ATG5: variants seen among roughly 807,000 people sequenced by gnomAD.
The protein encoded by ATG5 is autophagy related 5, also known as autophagy protein 5.
A neutral mutation model predicts 36.5 loss-of-function variants in ATG5; 14 were observed. The ratio of observed to expected loss-of-function variants is 0.38; its 90% CI spans 0.25 to 0.60. ATG5 has a LOEUF of 0.60. Ranked by LOEUF, ATG5 falls within the 20% of genes least tolerant of loss-of-function variation. The pLI is 0.60. For synonymous variants in ATG5, 95 were observed against 101.5 expected (o/e 0.94, Z 0.38); for missense variants, 195 against 326.7 (o/e 0.60, Z 3.11).
intron 6 of ATG5, among the ~76,000 whole-genome samples, chr6:106,205,943 T>G (rs546276252): frequency 6.6e-6 from 1 of 152,322 alleles, no homozygotes; most frequent in East Asian, 1.9e-4. Context: ...GTTTAATATT[T>G]ATTATACAGT....
intron 3 of ATG5, among the ~76,000 whole-genome samples, chr6:106,303,628 T>C (rs1267102887): frequency 6.6e-6 from 1 of 152,106 alleles, no homozygotes; most frequent in South Asian, 2.1e-4. Context: ...ATCCCTCTTA[T>C]GAACATAAGA....
rs771870556 is a variant in ATG5, at chr6:106,279,843, A to G, written c.316-20T>C. ...AAAACTCTATCAAAGGAAAAAATAT[A>G]CATATAAAACAGGATACACACATTA... On this transcript the variant is annotated intron_variant, in intron 4 of 7. Transcript: ENST00000369076. 1.4e-6 allele frequency: 2 copies of G among 1,433,948 alleles called. No individual in the cohort carries two copies. The highest frequency in any genetic ancestry group is 3.2e-5 in the South Asian group (2 of 62,538). The allele number at this position is 1,433,948 out of a possible 1,614,324, so 88.8% of individuals were successfully genotyped here.
chr6:106,203,428 A>G (rs112148830), intron 6 of ATG5, among the ~76,000 whole-genome samples: 15 of 152,314 alleles, frequency 9.8e-5, no homozygotes, highest in African/African-American at 2.6e-4. Context: ...TTGTGGAAAT[A>G]AATGAGCAAC....
chr6:106,278,458 C>G (rs1312017711), intron 5 of ATG5, among the ~76,000 whole-genome samples: 1 of 152,122 alleles, frequency 6.6e-6, no homozygotes, highest in Non-Finnish European at 1.5e-5. Context: ...TATAGCATCA[C>G]TTCCTTTGGG....
intron 5 of ATG5, among the ~76,000 whole-genome samples, chr6:106,251,998 G>A (rs143317248): frequency 0.014 from 2,154 of 151,972 alleles, 165 homozygotes; most frequent in Admixed American, 0.13. Flanking sequence ...GCATCATCAC[G>A]CCCGGCTAAT....
intron 6 of ATG5, among the ~76,000 whole-genome samples, chr6:106,227,324 G>A (rs753145641): frequency 6.6e-6 from 1 of 152,184 alleles, no homozygotes; most frequent in Non-Finnish European, 1.5e-5. Flanking sequence ...GACCTGGAAT[G>A]CTGGTGGACA....
chr6:106,244,803 G>A (rs1051598907), intron 6 of ATG5, among the ~76,000 whole-genome samples: 19 of 152,314 alleles, frequency 1.2e-4, no homozygotes, highest in African/African-American at 4.6e-4. Flanking sequence ...CTTGTTGAAT[G>A]AATCAATGAG....
rs143469353 is a variant in ATG5, at chr6:106,324,159, T to G, written c.-59+1367A>C. ...TACCCATGGGTTCTTCGTCCTTGTA[T>G]TCAACCAATCATGGATGAAAAAATA... On this transcript the variant is annotated intron_variant, in intron 1 of 7. Coordinates refer to ENST00000369076, the MANE Select transcript of ATG5 (RefSeq NM_004849.4). Among the ~76,000 whole-genome samples the G allele has an allele frequency of 7.2e-5, 11 of 152,298 alleles. No homozygotes were observed. The East Asian group carries it at 2.1e-3, about 29-fold the overall frequency.
intron 6 of ATG5, among the ~76,000 whole-genome samples, chr6:106,207,868 A>G (rs1302487059): frequency 6.6e-6 from 1 of 152,164 alleles, no homozygotes; most frequent in South Asian, 2.1e-4. Flanking sequence ...CCGAGGAGGG[A>G]GGATCACGAG....
chr6:106,241,010 G>C (rs191115133), intron 6 of ATG5, among the ~76,000 whole-genome samples: 1 of 152,062 alleles, frequency 6.6e-6, no homozygotes, highest in Admixed American at 6.6e-5. Context: ...AAAATTAGTC[G>C]GGCATGGTGG....
chr6:106,282,364 C>G (rs991675401), intron 4 of ATG5, among the ~76,000 whole-genome samples: 1 of 152,170 alleles, frequency 6.6e-6, no homozygotes, highest in Non-Finnish European at 1.5e-5. Flanking sequence ...TACATTTTAC[C>G]TGTGTAAAAC....
At chr6:106,292,360 T>G (rs1780343133) in intron 4 of ATG5, among the ~76,000 whole-genome samples, 1 of 152,160 alleles carries the variant, frequency 6.6e-6, no homozygotes, top group African/African-American at 2.4e-5. Flanking sequence ...AGAAGCAAGG[T>G]GGCTAAGGGA....
intron 4 of ATG5, 81 bp downstream of exon 4, chr6:106,292,947 T>A (rs1258702578): frequency 1.8e-6 from 2 of 1,139,750 alleles, no homozygotes; most frequent in Admixed American, 4.1e-5. Flanking sequence ...ATAAATAACT[T>A]CACTTAAAAA....
intron 2 of ATG5, among the ~76,000 whole-genome samples, chr6:106,311,655 C>G (rs952112091): frequency 6.6e-6 from 1 of 152,084 alleles, no homozygotes. Flanking sequence ...TATCGAGAAC[C>G]TTGTAAACTA....
intron 5 of ATG5, among the ~76,000 whole-genome samples, chr6:106,259,829 C>G (rs1778943534): frequency 6.6e-6 from 1 of 152,118 alleles, no homozygotes; most frequent in African/African-American, 2.4e-5. Flanking sequence ...GTTGCAAAAG[C>G]ACTATTCACG....
intron 5 of ATG5, among the ~76,000 whole-genome samples, chr6:106,264,941 C>CA (rs919773214): frequency 3.3e-5 from 5 of 151,858 alleles, no homozygotes; most frequent in Admixed American, 1.3e-4. Context: ...AACTAATGGG[C>CA]AAAAAAACCA....
intron 4 of ATG5, 135 bp from the exon 5 acceptor site, chr6:106,279,958 C>A: frequency 1.9e-6 from 1 of 519,724 alleles, no homozygotes; most frequent in Non-Finnish European, 3.0e-6. Flanking sequence ...ACCCAAAATA[C>A]TTTAAAATTT....
chr6:106,229,354 T>C (rs907811389), intron 6 of ATG5, among the ~76,000 whole-genome samples: 1 of 150,864 alleles, frequency 6.6e-6, no homozygotes, highest in African/African-American at 2.4e-5. Context: ...AGTTTGTAAA[T>C]GGCTAAGAGA....
chr6:106,192,832 G>A (rs1411104168), intron 7 of ATG5, among the ~76,000 whole-genome samples: 1 of 152,120 alleles, frequency 6.6e-6, no homozygotes, highest in Non-Finnish European at 1.5e-5. Flanking sequence ...GAACAATTTT[G>A]TTCTGTCTGA....
Sources: allele counts gnomAD v4.1 joint callset (sites outside exome capture counted in the v4.1 genomes callset), GRCh38; gene constraint gnomAD v4.1.1; transcripts MANE v1.5; gene names NCBI Gene and HGNC (gene_info 2026-07-23, HGNC 2026-07-21).